Variants in BAG1 observed in about 807,000 individuals in gnomAD.
BAG1 encodes the protein BAG cochaperone 1, also known as BAG family molecular chaperone regulator 1.
In BAG1, 35 loss-of-function variants were observed where a neutral mutation model predicts 35.5. The observed-to-expected ratio is 0.99, with a 90% CI of 0.75 to 1.31. BAG1 has a LOEUF of 1.31. Among genes scored for constraint, BAG1 ranks in the 50% most tolerant of loss-of-function variants. BAG1 has a pLI of 0.00. For missense variants in BAG1, 464 were observed against 453.6 expected, an observed-to-expected ratio of 1.02 and a Z score of -0.21; for synonymous variants, 191 against 178.9, an observed-to-expected ratio of 1.07 and a Z score of -0.54.
chr9:33,260,246 T>C (rs1347981163), intron 3 of BAG1: 6 of 152,262 alleles, frequency 3.9e-5, no homozygotes, highest in African/African-American at 1.4e-4. Context: ...AACTTGACTC[T>C]TTGGTTCTGC....
intron 2 of BAG1, chr9:33,262,161 ATCATAAGACT>A (rs1170796249): frequency 7.8e-7 from 1 of 1,289,728 alleles, no homozygotes; most frequent in East Asian, 5.5e-5. Flanking sequence ...TTCTGCCATC[ATCATAAGACT>A]TCAAATCTGA....
At chr9:33,259,521 C>G (rs538981984) in intron 3 of BAG1, 1 of 154,352 alleles carries the variant, frequency 6.5e-6, no homozygotes, top group Non-Finnish European at 1.4e-5. Context: ...ATCAAGTTTT[C>G]CATCTACAAA....
rs765266666 is a variant in BAG1 at position 33,255,915 on chromosome 9, T to A, written c.898A>T (p.Asn300Tyr). Residue 300 changes from asparagine to tyrosine, a missense_variant, in exon 6 of 7, where the codon AAT (asparagine) becomes TAT (tyrosine). Physicochemically the swap from Asn to Tyr is moderately radical, Grantham distance 143. Coordinates refer to ENST00000634734, the MANE Select transcript of BAG1 (RefSeq NM_004323.6). ...CTTTTCAATCTACTGTCTTTGAAATTTTCTGGCAGGATCTATGGAAGAGTA... is the reference window on the plus strand; with the variant it reads ...CTTTTCAATCTACTGTCTTTGAAATATTCTGGCAGGATCTATGGAAGAGTA... The A allele has an allele frequency of 6.2e-7, 1 of 1,613,866 alleles. No individual in the cohort carries two copies. Among genetic ancestry groups the A allele is most frequent in the Non-Finnish European group, 8.5e-7 (1 of 1,179,706 alleles).
chr9:33,263,715 T>C (rs1202938073), intron 1 of BAG1, among the ~76,000 whole-genome samples: 1 of 152,042 alleles, frequency 6.6e-6, no homozygotes, highest in Non-Finnish European at 1.5e-5. Flanking sequence ...AGCTCTCCGG[T>C]GTACTGACTT....
At chr9:33,258,883 T>G (rs767627906) in intron 4 of BAG1, 37 bp downstream of exon 4, 11 of 1,559,484 alleles carry the variant, frequency 7.1e-6, no homozygotes, top group Non-Finnish European at 9.7e-6. Context: ...GAAGCTCTGA[T>G]AGAAGGCAGA....
intron 2 of BAG1, chr9:33,262,058 A>C: frequency 2.4e-6 from 3 of 1,236,398 alleles, no homozygotes; most frequent in Non-Finnish European, 3.1e-6. Flanking sequence ...GTGATGCAAA[A>C]ATAGCAGGGA....
chr9:33,264,316 T>C lies in BAG1; in HGVS notation c.359A>G (p.Gln120Arg), dbSNP rs755667250. Residue 120 changes from glutamine to arginine, a missense_variant, in exon 1 of 7, where the codon CAG (glutamine) becomes CGG (arginine). By Grantham distance (43) the Gln-to-Arg change is conservative. Transcript: ENST00000634734. ...CGACTCCTCGTCCCGGGTCACCTCCTGGCTCCGATTCATCTCTTCGCCCTG... is the reference window on the plus strand; with the variant it reads ...CGACTCCTCGTCCCGGGTCACCTCCCGGCTCCGATTCATCTCTTCGCCCTG... 6 of 1,612,540 alleles carry C rather than the reference T, an allele frequency of 3.7e-6. No individual in the cohort carries two copies. Among genetic ancestry groups the C allele is most frequent in the Non-Finnish European group, 4.2e-6 (5 of 1,179,534 alleles).
chr9:33,258,788 A>G lies in BAG1; in HGVS notation c.777+132T>C. The G allele has an allele frequency of 7.7e-6, 5 of 652,254 alleles. No homozygotes were observed. The East Asian group carries it at 8.0e-5, about 10-fold the overall frequency. 40.4% of individuals were successfully genotyped at this position (652,254 alleles called of 1,614,324 possible). A position where few individuals can be genotyped will look rare whatever the true frequency, so the allele number is the denominator to read the frequency against. ...ACTTGAGACAAAGATAAACTTGTTC[A>G]CAGTAAGAGAAAGGGTGAATCCAGG... is the stretch of plus-strand genomic sequence containing the variant. On this transcript the variant is annotated intron_variant, in intron 4 of 6. Coordinates refer to ENST00000634734, the MANE Select transcript of BAG1 (RefSeq NM_004323.6).
Position 33,255,074 on chromosome 9 carries a change from A to C in BAG1, c.*145T>G, listed in dbSNP as rs760161649. 2 of 1,580,986 alleles carry C rather than the reference A, an allele frequency of 1.3e-6. No homozygotes were observed. ...CAAAATCACAAAGACACTATTTTTC[A>C]TTGAGAACCAGTGTGAGAGTAGGAA... On this transcript the variant is annotated 3_prime_UTR_variant, in exon 7 of 7. Coordinates refer to ENST00000634734, the MANE Select transcript of BAG1 (RefSeq NM_004323.6).
At position 33,255,180 on chromosome 9, in the gene BAG1, G is replaced by C. The variant is rs368992536; in HGVS notation, c.*39C>G. ...CTCCAGAGACGGCAGAGCTGGTGGC[G>C]CCATTCTTCAGGGCAGCACAGCCTT... On this transcript the variant is annotated 3_prime_UTR_variant, in exon 7 of 7. Coordinates refer to ENST00000634734, the MANE Select transcript of BAG1 (RefSeq NM_004323.6). 1.2e-6 allele frequency: 2 copies of C among 1,614,054 alleles called. No homozygotes were observed. The highest frequency in any genetic ancestry group is 2.7e-5 in the African/African-American group (2 of 74,928).
rs772290563 is a variant in BAG1, at chr9:33,258,983, C to G, written c.714G>C (p.Lys238Asn). The change falls in exon 4 of 7, where the codon AAG becomes AAC. Residue 238 changes from lysine to asparagine, a missense_variant. By Grantham distance (94) the Lys-to-Asn change is moderately conservative. Transcript: ENST00000634734. ...GCTGGTCAGCTATCTTCTCCACAGA[C>G]TTCTCCAAATGTTTCAACTTCTTTA... is the stretch of plus-strand genomic sequence containing the variant. 5.6e-6 allele frequency: 9 copies of G among 1,614,218 alleles called. No individual in the cohort carries two copies. Among genetic ancestry groups the G allele is most frequent in the East Asian group, 2.2e-5 (1 of 44,882 alleles).
At chr9:33,258,067 G>T (rs1322041852) in intron 4 of BAG1, 1 of 152,116 alleles carries the variant, frequency 6.6e-6, no homozygotes, top group African/African-American at 2.4e-5. Context: ...GAGGCGGGCA[G>T]ATCACTTGAG....
At position 33,261,079 on chromosome 9, in the gene BAG1, C is replaced by CA. The variant is rs1820558691; in HGVS notation, c.663+7dup. The CA allele has an allele frequency of 2.5e-6, 4 of 1,596,732 alleles. No homozygotes were observed. The African/African-American group carries it at 5.4e-5, about 21-fold the overall frequency. ...TTCTGAGGATTTCTGATGGAAAAAG[C>CA]AATTTACCTTTTTCCCAATTAACAT... On this transcript the variant is annotated splice_region_variant and intron_variant, in intron 3 of 6. Transcript: ENST00000634734.
rs780937317 is a variant in BAG1, at chr9:33,255,835, C to T, written c.948+30G>A. On this transcript the variant is annotated intron_variant, in intron 6 of 6. Coordinates refer to ENST00000634734, the MANE Select transcript of BAG1 (RefSeq NM_004323.6). ...CACATACCTACACATTAACATATTA[C>T]ACCTTGTCGTGCACTATTACACAAC... The T allele has an allele frequency of 8.2e-6, 13 of 1,592,600 alleles. No individual in the cohort carries two copies. The African/African-American group carries it at 1.3e-4, about 16-fold the overall frequency.
chr9:33,255,419 A>C (rs144676599), intron 6 of BAG1, 111 bp from the exon 7 acceptor site: 4 of 1,536,866 alleles, frequency 2.6e-6, no homozygotes, highest in Non-Finnish European at 3.5e-6. Context: ...GACTCAAAAC[A>C]GATTGTGCAT....
intron 4 of BAG1, 83 bp downstream of exon 4, chr9:33,258,837 G>T: frequency 8.8e-7 from 1 of 1,141,886 alleles, no homozygotes; most frequent in Non-Finnish European, 1.3e-6. Flanking sequence ...GAGTCTGACT[G>T]CAGAACATGT....
Position 33,258,827 on chromosome 9 carries a change from G to A in BAG1, c.777+93C>T. On this transcript the variant is annotated intron_variant, in intron 4 of 6. Coordinates refer to ENST00000634734, the MANE Select transcript of BAG1 (RefSeq NM_004323.6). ...GGTGAATCCAGGATCTGAACCCAGG[G>A]AGTCTGACTGCAGAACATGTCCCCA... is the stretch of plus-strand genomic sequence containing the variant. 7.1e-6 allele frequency: 7 copies of A among 982,678 alleles called. No individual in the cohort carries two copies. The Middle Eastern group carries it at 6.4e-4, about 89-fold the overall frequency. The allele number at this position is 982,678 out of a possible 1,614,324, so 60.9% of individuals were successfully genotyped here.
At position 33,264,057 on chromosome 9, in the gene BAG1, A is replaced by T; in HGVS notation, c.451+167T>A. 4.8e-6 allele frequency: 4 copies of T among 835,692 alleles called. No individual in the cohort carries two copies. The South Asian group carries it at 7.3e-5, about 15-fold the overall frequency. 51.8% of individuals were successfully genotyped at this position (835,692 alleles called of 1,614,324 possible). On this transcript the variant is annotated intron_variant, in intron 1 of 6. Coordinates refer to ENST00000634734, the MANE Select transcript of BAG1 (RefSeq NM_004323.6). ...CGGCCACATGGAAAAGTGTACAGAC[A>T]CAAGCCCGGGACAAAAGACAGTTCC...
At chr9:33,260,694 G>A (rs1820550397) in intron 3 of BAG1, among the ~76,000 whole-genome samples, 1 of 152,218 alleles carries the variant, frequency 6.6e-6, no homozygotes, top group African/African-American at 2.4e-5. Context: ...GTTAAAGGGA[G>A]AGAGGCTCCT....
Sources: gnomAD v4.1 joint callset for allele counts (sites outside exome capture counted in the v4.1 genomes callset) on GRCh38, gnomAD v4.1.1 for gene constraint, MANE v1.5 for transcripts, NCBI Gene and HGNC (gene_info 2026-07-23, HGNC 2026-07-21) for gene names.